MMD2: variants seen among roughly 807,000 people sequenced by gnomAD.
The protein encoded by MMD2 is monocyte to macrophage differentiation factor 2.
A neutral mutation model predicts 33.5 loss-of-function variants in MMD2; 30 were observed. The observed-to-expected ratio is 0.90, with a 90% CI of 0.67 to 1.22. The LOEUF (loss-of-function observed/expected upper bound fraction) is 1.22, where lower values mean the gene tolerates loss of function less well. Ranked by LOEUF, MMD2 falls within the 50% of genes most tolerant of loss-of-function variation. MMD2 has a pLI of 0.00. For synonymous variants in MMD2, 129 were observed against 123.0 expected, an observed-to-expected ratio of 1.05 and a Z score of -0.32; for missense variants, 364 against 325.4, an observed-to-expected ratio of 1.12 and a Z score of -0.91.
chr7:4,929,495 A>ATGTTTGTT (rs372195919), intron 1 of MMD2, among the ~76,000 whole-genome samples: 1 of 151,608 alleles, frequency 6.6e-6, no homozygotes, highest in Non-Finnish European at 1.5e-5. Context: ...AGACTGGCTT[A>ATGTTTGTT]TGTTTGTTTG....
intron 1 of MMD2, among the ~76,000 whole-genome samples, chr7:4,936,857 C>T (rs1785754808): frequency 6.6e-6 from 1 of 151,988 alleles, no homozygotes; most frequent in African/African-American, 2.4e-5. Context: ...CCCTCAGCCT[C>T]CCAAGTAGCT....
chr7:4,950,422 G>T (rs1056630330), intron 1 of MMD2, among the ~76,000 whole-genome samples: 2 of 151,882 alleles, frequency 1.3e-5, no homozygotes, highest in African/African-American at 4.8e-5. Flanking sequence ...TTATACCACC[G>T]TCACCACCAT....
intron 5 of MMD2, 122 bp from the exon 6 acceptor site, chr7:4,910,072 T>C: frequency 1.9e-6 from 3 of 1,605,788 alleles, no homozygotes; most frequent in Non-Finnish European, 2.6e-6. Flanking sequence ...GAAAGGACGC[T>C]TTCTCTGTCC....
In MMD2 at chr7:4,906,514, G is replaced by C. The variant is rs1784870091; in HGVS notation, c.*882C>G. 1 of 398,634 alleles carries C rather than the reference G, an allele frequency of 2.5e-6. No individual in the cohort carries two copies. 24.7% of individuals were successfully genotyped at this position (398,634 alleles called of 1,614,324 possible). A position where few individuals can be genotyped will look rare whatever the true frequency, so the allele number is the denominator to read the frequency against. On this transcript the variant is annotated 3_prime_UTR_variant, in exon 7 of 7. Transcript: ENST00000401401. Reference sequence around the variant, plus strand: ...GTTTGCCCCATCTTATGAATGAATAGCTCTCGTAATGTCTCTGGATTTTTG... The same window carrying C: ...GTTTGCCCCATCTTATGAATGAATACCTCTCGTAATGTCTCTGGATTTTTG...
the MMD2 span, among the ~76,000 whole-genome samples, chr7:4,896,237 T>C: frequency 1.3e-5 from 2 of 152,100 alleles, no homozygotes; most frequent in Admixed American, 6.6e-5. Flanking sequence ...CCTAGCACTT[T>C]GGGAGGCTGA....
chr7:4,897,375 T>C, the MMD2 span, among the ~76,000 whole-genome samples: 3 of 152,002 alleles, frequency 2.0e-5, no homozygotes, highest in Non-Finnish European at 4.4e-5. Flanking sequence ...ACTGTGTTAA[T>C]ACAAAATAGC....
chr7:4,936,862 G>C (rs1430581537), intron 1 of MMD2, among the ~76,000 whole-genome samples: 3 of 151,856 alleles, frequency 2.0e-5, no homozygotes. Context: ...AGCCTCCCAA[G>C]TAGCTGGGAT....
At chr7:4,949,331 C>T (rs1017371152) in intron 1 of MMD2, among the ~76,000 whole-genome samples, 4 of 152,122 alleles carry the variant, frequency 2.6e-5, no homozygotes, top group Admixed American at 2.6e-4. Flanking sequence ...CCCAACCTGC[C>T]CACTCCCCTT....
At chr7:4,920,020 G>A in intron 3 of MMD2, 151 bp downstream of exon 3, 1 of 881,688 alleles carries the variant, frequency 1.1e-6, no homozygotes, top group Non-Finnish European at 1.7e-6. Context: ...TGCAAAGCCA[G>A]CCTCCTGCAA....
downstream of MMD2, among the ~76,000 whole-genome samples, chr7:4,904,993 G>A (rs777658860): frequency 3.3e-5 from 5 of 152,160 alleles, no homozygotes; most frequent in African/African-American, 4.8e-5. Flanking sequence ...TTTGAAGGAT[G>A]AGTAGGAGTA....
At position 4,940,010 on chromosome 7, in the gene MMD2, G is replaced by A. The variant is rs1184519404; in HGVS notation, c.48-14478C>T. Among the ~76,000 whole-genome samples the A allele has an allele frequency of 2.6e-5, 4 of 152,152 alleles. No homozygotes were observed. Among genetic ancestry groups the A allele is most frequent in the African/African-American group, 9.7e-5 (4 of 41,430 alleles). Reference sequence around the variant, plus strand: ...ATCTGCCTTGGCCTCCCAAAGCGCTGGCATTACAGGCGTGAGCCACCGCAC... The same window carrying A: ...ATCTGCCTTGGCCTCCCAAAGCGCTAGCATTACAGGCGTGAGCCACCGCAC... On this transcript the variant is annotated intron_variant, in intron 1 of 6. Coordinates refer to ENST00000401401, the MANE Select transcript of MMD2 (RefSeq NM_198403.4). This position sits in a 1 kb window ranked among gnomAD's most constrained non-coding sequence, Gnocchi z 5.0.
intron 2 of MMD2, among the ~76,000 whole-genome samples, chr7:4,925,246 A>G (rs1457978311): frequency 2.0e-5 from 3 of 152,126 alleles, no homozygotes; most frequent in Non-Finnish European, 4.4e-5. Flanking sequence ...GAAGGTTCTT[A>G]GAGCAAGACA....
chr7:4,899,405 T>C, the MMD2 span, among the ~76,000 whole-genome samples: 1 of 152,088 alleles, frequency 6.6e-6, no homozygotes, highest in East Asian at 1.9e-4. Context: ...TTTTTTTTTT[T>C]TGAAACGAAG....
downstream of MMD2, among the ~76,000 whole-genome samples, chr7:4,905,267 GGAGGAA>G (rs201762694): frequency 1.7e-4 from 26 of 149,932 alleles, no homozygotes; most frequent in South Asian, 6.4e-4. This position sits in a 1 kb window ranked among gnomAD's most constrained non-coding sequence, Gnocchi z 5.0. Context: ...AGGAGGAGGA[GGAGGAA>G]GAGGAAGAGG....
intron 1 of MMD2, among the ~76,000 whole-genome samples, chr7:4,937,785 C>G (rs551197488): frequency 3.2e-4 from 49 of 151,722 alleles, no homozygotes; most frequent in African/African-American, 1.1e-3. Flanking sequence ...GCTAGGACTA[C>G]AGGTGTGCGT....
At chr7:4,943,787 G>C (rs1785977307) in intron 1 of MMD2, among the ~76,000 whole-genome samples, 1 of 152,010 alleles carries the variant, frequency 6.6e-6, no homozygotes, top group Non-Finnish European at 1.5e-5. Context: ...AATCACTGTT[G>C]TTGACTGATT....
intron 1 of MMD2, among the ~76,000 whole-genome samples, chr7:4,932,259 C>A (rs893058791): frequency 1.3e-5 from 2 of 152,172 alleles, no homozygotes; most frequent in Non-Finnish European, 2.9e-5. Context: ...GGCCCGGAGA[C>A]AGGGCCGTGG....
chr7:4,949,950 C>CA (rs1258824189), intron 1 of MMD2, among the ~76,000 whole-genome samples: 1 of 152,146 alleles, frequency 6.6e-6, no homozygotes, highest in Non-Finnish European at 1.5e-5. Context: ...AATGACCTGC[C>CA]CACGTTACCA....
chr7:4,953,007 G>C (rs1017030237), intron 1 of MMD2, among the ~76,000 whole-genome samples: 1 of 151,316 alleles, frequency 6.6e-6, no homozygotes, highest in African/African-American at 2.4e-5. Context: ...TTTTTTGTTT[G>C]CTTAGTTGGT....
Sources: allele counts gnomAD v4.1 joint callset (sites outside exome capture counted in the v4.1 genomes callset), GRCh38; gene constraint gnomAD v4.1.1; non-coding constraint Gnocchi (gnomAD v3.1); transcripts MANE v1.5; gene names NCBI Gene and HGNC (gene_info 2026-07-23, HGNC 2026-07-21).